The following TMEM266 variants were observed in gnomAD, a reference collection of about 807,000 sequenced individuals.
The protein encoded by TMEM266 is transmembrane protein 266, also known as Hv1 related protein 1.
In TMEM266, 33 loss-of-function variants were observed where a neutral mutation model predicts 50.5. That is an observed-to-expected ratio of 0.65 (90% confidence interval 0.50 to 0.87). The LOEUF (loss-of-function observed/expected upper bound fraction) is 0.87, where lower values mean the gene tolerates loss of function less well. Ranked by LOEUF, TMEM266 falls within the 40% of genes least tolerant of loss-of-function variation. The pLI is 0.00. For missense variants in TMEM266, 655 were observed against 695.1 expected, an observed-to-expected ratio of 0.94 and a Z score of 0.65; for synonymous variants, 310 against 292.3, an observed-to-expected ratio of 1.06 and a Z score of -0.62.
intron 1 of TMEM266, among the ~76,000 whole-genome samples, chr15:76,064,341 A>C (rs1444233555): frequency 1.3e-5 from 2 of 152,246 alleles, no homozygotes; most frequent in Non-Finnish European, 2.9e-5. Context: ...TCTGAGAAGC[A>C]TCACAGCCTG....
intron 1 of TMEM266, among the ~76,000 whole-genome samples, chr15:76,077,366 A>G (rs1455509964): frequency 1.3e-5 from 2 of 152,082 alleles, no homozygotes; most frequent in Non-Finnish European, 2.9e-5. Flanking sequence ...ATTTTCATTC[A>G]TGTGTGAGAC....
intron 8 of TMEM266, among the ~76,000 whole-genome samples, chr15:76,183,014 A>T (rs2038440119): frequency 6.8e-6 from 1 of 147,596 alleles, no homozygotes. Context: ...CTCTCATCAT[A>T]CTCCAATGCA....
chr15:76,092,621 C>T (rs1315933526), intron 1 of TMEM266, among the ~76,000 whole-genome samples: 2 of 151,420 alleles, frequency 1.3e-5, no homozygotes, highest in African/African-American at 2.4e-5. Flanking sequence ...ACCCGGGAAG[C>T]GGAAATTACA....
chr15:76,100,415 T>C lies in TMEM266; in HGVS notation c.-96-33753T>C, dbSNP rs115204739. ...TCTAATTCCCTCACTAAAAAATGGG[T>C]TCTCCATCCTTTGAGCTCCTGTGGA... On this transcript the variant is annotated intron_variant, in intron 1 of 10. Transcript: ENST00000388942. Among the ~76,000 whole-genome samples, 1,118 of 152,312 alleles carry C rather than the reference T, an allele frequency of 7.3e-3. 18 individuals carry two copies. Among genetic ancestry groups the C allele is most frequent in the African/African-American group, 0.025 (1,032 of 41,558 alleles).
intron 7 of TMEM266, among the ~76,000 whole-genome samples, chr15:76,174,215 C>A (rs1280774672): frequency 6.6e-6 from 1 of 152,132 alleles, no homozygotes; most frequent in Non-Finnish European, 1.5e-5. Flanking sequence ...TAAACATCTT[C>A]ATCCAAATAT....
chr15:76,063,376 G>A (rs2036342615), intron 1 of TMEM266, among the ~76,000 whole-genome samples: 1 of 152,140 alleles, frequency 6.6e-6, no homozygotes, highest in Admixed American at 6.5e-5. Flanking sequence ...GCAAGATGAA[G>A]CACTTTCTGC....
At chr15:76,123,641 C>T (rs891848514) in intron 1 of TMEM266, among the ~76,000 whole-genome samples, 3 of 152,208 alleles carry the variant, frequency 2.0e-5, no homozygotes, top group African/African-American at 7.2e-5. Flanking sequence ...ATAGTCCCTC[C>T]CTGCTTCTTC....
At chr15:76,149,463 T>C (rs1284494669) in intron 3 of TMEM266, among the ~76,000 whole-genome samples, 2 of 152,254 alleles carry the variant, frequency 1.3e-5, no homozygotes, top group Non-Finnish European at 2.9e-5. Flanking sequence ...GAATGAATGT[T>C]GAAACTGTTT....
intron 1 of TMEM266, among the ~76,000 whole-genome samples, chr15:76,085,105 G>A (rs1250451775): frequency 1.4e-5 from 2 of 138,412 alleles, no homozygotes; most frequent in Non-Finnish European, 3.1e-5. Flanking sequence ...GACTACAGGC[G>A]CCTGCCACCA....
At chr15:76,077,083 G>A (rs1427531137) in intron 1 of TMEM266, among the ~76,000 whole-genome samples, 1 of 151,936 alleles carries the variant, frequency 6.6e-6, no homozygotes, top group Admixed American at 6.6e-5. Context: ...TCCAGCCTCA[G>A]CCTCCCAAGT....
chr15:76,068,932 G>C (rs1185120933), intron 1 of TMEM266, among the ~76,000 whole-genome samples: 1 of 152,168 alleles, frequency 6.6e-6, no homozygotes, highest in African/African-American at 2.4e-5. Flanking sequence ...GGAACATAGT[G>C]CCTGTGCTTC....
At chr15:76,091,926 G>C (rs1033772713) in intron 1 of TMEM266, among the ~76,000 whole-genome samples, 2 of 151,910 alleles carry the variant, frequency 1.3e-5, no homozygotes, top group Non-Finnish European at 2.9e-5. Flanking sequence ...AGGAGGTCAA[G>C]ACTGCAGTGA....
intron 5 of TMEM266, among the ~76,000 whole-genome samples, chr15:76,162,095 A>C (rs1229033941): frequency 6.6e-6 from 1 of 151,980 alleles, no homozygotes; most frequent in Non-Finnish European, 1.5e-5. Context: ...CCCCATAGGC[A>C]CCCCCAAACC....
chr15:76,097,717 T>C lies in TMEM266; in HGVS notation c.-96-36451T>C, dbSNP rs539073717. Among the ~76,000 whole-genome samples, 16 of 152,202 alleles carry C rather than the reference T, an allele frequency of 1.1e-4. 1 individual carries two copies. In the East Asian group the frequency reaches 2.9e-3, roughly 27 times the overall value. ...AGTGTTTTCCAACTTGGTACCATTC[T>C]CCCTGTCACTTTCAGATACACCAAT... On this transcript the variant is annotated intron_variant, in intron 1 of 10. Transcript: ENST00000388942.
In TMEM266 at chr15:76,192,079, T is replaced by C; in HGVS notation, c.880T>C (p.Phe294Leu). 1.4e-6 allele frequency: 2 copies of C among 1,469,990 alleles called. No homozygotes were observed. Among genetic ancestry groups the C allele is most frequent in the Admixed American group, 2.6e-5 (1 of 39,214 alleles). 91.1% of individuals were successfully genotyped at this position (1,469,990 alleles called of 1,614,324 possible). Residue 294 changes from phenylalanine to leucine, a missense_variant, in exon 9 of 11, where the codon TTC becomes CTC. Coordinates refer to ENST00000388942, the MANE Select transcript of TMEM266 (RefSeq NM_152335.3). The stretch of plus-strand genomic sequence containing the variant: ...CGTGCTCAGCCAGCCGCGCAGCCGC[T>C]TCAAAGTGTTGGAGGCCGGCACGTG...
At chr15:76,113,693 A>G (rs1310525952) in intron 1 of TMEM266, 1 of 152,154 alleles carries the variant, frequency 6.6e-6, no homozygotes, top group Non-Finnish European at 1.5e-5. Context: ...GCAGATCACA[A>G]GGTCAGGAGA....
chr15:76,080,311 G>GA (rs879748994), intron 1 of TMEM266, among the ~76,000 whole-genome samples: 48 of 137,492 alleles, frequency 3.5e-4, no homozygotes, highest in South Asian at 1.1e-3. Flanking sequence ...AGGATGCAGT[G>GA]GCACGATCTT....
At chr15:76,181,539 T>C (rs1294883423) in intron 8 of TMEM266, 5 of 152,238 alleles carry the variant, frequency 3.3e-5, no homozygotes, top group Non-Finnish European at 7.3e-5. Flanking sequence ...ATTCCTTAGG[T>C]GGAAGTTCTT....
intron 1 of TMEM266, among the ~76,000 whole-genome samples, chr15:76,123,945 TC>T (rs1278612244): frequency 1.3e-5 from 2 of 152,184 alleles, no homozygotes; most frequent in African/African-American, 2.4e-5. Flanking sequence ...ACTCCTAACC[TC>T]AGGTGATCTG....
Sources: gnomAD v4.1 joint callset for allele counts (sites outside exome capture counted in the v4.1 genomes callset) on GRCh38, gnomAD v4.1.1 for gene constraint, MANE v1.5 for transcripts, NCBI Gene and HGNC (gene_info 2026-07-23, HGNC 2026-07-21) for gene names.